The following RSF1 variants were observed in gnomAD, a reference collection of about 807,000 sequenced individuals.
The protein encoded by RSF1 is remodeling and spacing factor 1, also known as HBV pX-associated protein 8.
Under a neutral mutation model 145.2 loss-of-function variants are expected in RSF1, and 13 were observed. The ratio of observed to expected loss-of-function variants is 0.09; its 90% CI spans 0.06 to 0.14. The LOEUF is 0.14. RSF1 is among the 10% of genes least tolerant of loss of function. RSF1 has a pLI of 1.00. For synonymous variants in RSF1, 577 were observed against 592.6 expected (o/e 0.97, Z 0.38); for missense variants, 1,517 against 1,718.2 (o/e 0.88, Z 2.07).
intron 5 of RSF1, among the ~76,000 whole-genome samples, chr11:77,721,887 G>T (rs1960948704): frequency 6.6e-6 from 1 of 152,194 alleles, no homozygotes; most frequent in Non-Finnish European, 1.5e-5. Context: ...CAAAAGAGAA[G>T]GTAGGCTGTG....
chr11:77,715,670 A>G lies in RSF1; in HGVS notation c.733+9875T>C, dbSNP rs557088647. ...ACAATGTTGGCCAAGCTGGTCTTAA[A>G]CTCCTGACTTCAAGTGATCCTCCCG... On this transcript the variant is annotated intron_variant, in intron 5 of 15. Coordinates refer to ENST00000308488, the MANE Select transcript of RSF1 (RefSeq NM_016578.4). Among the ~76,000 whole-genome samples the G allele has an allele frequency of 3.0e-3, 452 of 151,952 alleles. 6 individuals carry two copies. Among genetic ancestry groups the G allele is most frequent in the African/African-American group, 0.01 (432 of 41,430 alleles).
intron 5 of RSF1, among the ~76,000 whole-genome samples, chr11:77,707,442 A>G (rs1368966243): frequency 6.6e-6 from 1 of 152,240 alleles, no homozygotes. Flanking sequence ...ATGCTAAGGT[A>G]TACTGCATTG....
chr11:77,760,856 A>G (rs12420401), intron 2 of RSF1, among the ~76,000 whole-genome samples: 26,903 of 151,940 alleles, frequency 0.18, 2,968 homozygotes, highest in African/African-American at 0.29. Context: ...TATGAATACG[A>G]TCATCTCCTG....
chr11:77,683,239 C>T (rs886560793), intron 11 of RSF1, among the ~76,000 whole-genome samples: 4 of 151,862 alleles, frequency 2.6e-5, no homozygotes, highest in Non-Finnish European at 5.9e-5. Context: ...TGCAGTGAGC[C>T]GAGATGGTGC....
At chr11:77,763,510 C>T (rs1358120347) in intron 2 of RSF1, 2 of 152,104 alleles carry the variant, frequency 1.3e-5, no homozygotes, top group Non-Finnish European at 1.5e-5. Flanking sequence ...AGACAAGTTA[C>T]TCTATTTAGT....
chr11:77,716,889 T>C (rs973166981), intron 5 of RSF1, among the ~76,000 whole-genome samples: 1 of 152,140 alleles, frequency 6.6e-6, no homozygotes, highest in African/African-American at 2.4e-5. Flanking sequence ...TTAAAAAATT[T>C]AAACCCAGCC....
intron 2 of RSF1, among the ~76,000 whole-genome samples, 171 bp from the exon 3 acceptor site, chr11:77,747,299 T>C (rs898101720): frequency 6.6e-6 from 1 of 152,182 alleles, no homozygotes; most frequent in Non-Finnish European, 1.5e-5. Flanking sequence ...TGATAAAAAA[T>C]ATTTACTATT....
intron 1 of RSF1, among the ~76,000 whole-genome samples, chr11:77,795,910 C>T (rs1193773867): frequency 6.6e-6 from 1 of 152,066 alleles, no homozygotes; most frequent in East Asian, 1.9e-4. Flanking sequence ...TTATTGGTTT[C>T]CTCAGGGATT....
At chr11:77,679,244 CTT>C (rs1372070288) in intron 11 of RSF1, among the ~76,000 whole-genome samples, 4 of 152,224 alleles carry the variant, frequency 2.6e-5, no homozygotes. Context: ...ATAAAAACCA[CTT>C]TGAGGTCACG....
intron 1 of RSF1, among the ~76,000 whole-genome samples, chr11:77,789,194 G>T (rs184450571): frequency 6.6e-6 from 1 of 152,134 alleles, no homozygotes; most frequent in Admixed American, 6.5e-5. Flanking sequence ...TGTTCCCACC[G>T]TGGATTTCTG....
intron 1 of RSF1, among the ~76,000 whole-genome samples, chr11:77,819,890 G>A (rs755026363): frequency 1.2e-4 from 18 of 152,010 alleles, no homozygotes; most frequent in Non-Finnish European, 2.1e-4. Context: ...CGTGGGGGAG[G>A]AGCAGACCTC....
chr11:77,717,253 T>C (rs1960838131), intron 5 of RSF1, among the ~76,000 whole-genome samples: 1 of 151,634 alleles, frequency 6.6e-6, no homozygotes, highest in Admixed American at 6.6e-5. Flanking sequence ...GTGTCACCCT[T>C]GGGGCCTCCT....
chr11:77,741,893 CTA>C (rs1426216199), intron 3 of RSF1, among the ~76,000 whole-genome samples: 2 of 152,194 alleles, frequency 1.3e-5, no homozygotes, highest in African/African-American at 4.8e-5. Flanking sequence ...TACTGTGATT[CTA>C]TGAGTCTGAC....
At chr11:77,736,874 T>C (rs1460924384) in intron 4 of RSF1, among the ~76,000 whole-genome samples, 1 of 152,234 alleles carries the variant, frequency 6.6e-6, no homozygotes, top group Non-Finnish European at 1.5e-5. Flanking sequence ...TTGTTTAGCA[T>C]AGTACCTATT....
chr11:77,676,848 G>A lies in RSF1; in HGVS notation c.3285C>T (p.Asp1095=), dbSNP rs1483543228. 11 of 1,613,914 alleles carry A rather than the reference G, an allele frequency of 6.8e-6. No homozygotes were observed. In the Admixed American group the frequency reaches 8.3e-5, roughly 12 times the overall value. Residue 1095 remains aspartate (D), a synonymous_variant, in exon 13 of 16, where the codon GAC becomes GAT. Transcript: ENST00000308488. ...RKKRRRLNDL[D]SDSNLDEEES... Reference sequence around the variant, plus strand: ...CTTCTTCATCCAGGTTGCTATCACTGTCCAGATCATTTAATCGCCGGCGTT... The same window carrying A: ...CTTCTTCATCCAGGTTGCTATCACTATCCAGATCATTTAATCGCCGGCGTT...
intron 2 of RSF1, among the ~76,000 whole-genome samples, chr11:77,752,384 A>G (rs1297028489): frequency 1.3e-5 from 2 of 152,310 alleles, no homozygotes; most frequent in East Asian, 3.9e-4. Flanking sequence ...ATCCGCCTGC[A>G]TAATAAAAGA....
chr11:77,772,285 T>A (rs1490129175), intron 1 of RSF1, among the ~76,000 whole-genome samples: 1 of 151,986 alleles, frequency 6.6e-6, no homozygotes, highest in Non-Finnish European at 1.5e-5. Flanking sequence ...TCCTTCTACC[T>A]CAGCCTCCTG....
At chr11:77,757,361 A>T (rs1948125966) in intron 2 of RSF1, among the ~76,000 whole-genome samples, 1 of 152,322 alleles carries the variant, frequency 6.6e-6, no homozygotes. Context: ...TGGCGACCCA[A>T]TGAGGCTCTG....
intron 1 of RSF1, among the ~76,000 whole-genome samples, chr11:77,774,578 AAAT>A (rs1948321524): frequency 3.8e-5 from 1 of 26,478 alleles, no homozygotes; most frequent in East Asian, 1.1e-3. Context: ...CTCAAAAAAT[AAAT>A]AAATAAATAA....
Sources: allele counts gnomAD v4.1 joint callset (sites outside exome capture counted in the v4.1 genomes callset), GRCh38; gene constraint gnomAD v4.1.1; transcripts MANE v1.5; gene names NCBI Gene and HGNC (gene_info 2026-07-23, HGNC 2026-07-21).